Variants in ZPBP observed in about 807,000 individuals in gnomAD.
ZPBP encodes the protein zona pellucida-binding protein 1.
Under a neutral mutation model 44.8 loss-of-function variants are expected in ZPBP, and 26 were observed. The observed-to-expected ratio is 0.58, with a 90% CI of 0.43 to 0.81. The LOEUF (loss-of-function observed/expected upper bound fraction) is 0.81. ZPBP is among the 30% of genes least tolerant of loss of function. The pLI is 0.00. For missense variants in ZPBP, 409 were observed against 434.0 expected, an observed-to-expected ratio of 0.94 and a Z score of 0.51; for synonymous variants, 174 against 153.2, an observed-to-expected ratio of 1.14 and a Z score of -1.00.
chr7:49,877,893 A>G (rs1791510391), intron 2 of ZPBP, among the ~76,000 whole-genome samples: 1 of 152,044 alleles, frequency 6.6e-6, no homozygotes, highest in Non-Finnish European at 1.5e-5. Flanking sequence ...CTGACCTTGC[A>G]TCTGGGCAAA....
rs1377200952 is a variant in ZPBP, at chr7:50,050,881, G to T, written c.487+7108C>A. Among the ~76,000 whole-genome samples the T allele has an allele frequency of 2.1e-5, 3 of 144,354 alleles. No individual in the cohort carries two copies. The East Asian group carries it at 6.3e-4, about 30-fold the overall frequency. The allele number at this position is 144,354 out of a possible 152,430, so 94.7% of individuals were successfully genotyped here. A position where few individuals can be genotyped will look rare whatever the true frequency, so the allele number is the denominator to read the frequency against. On this transcript the variant is annotated intron_variant, in intron 4 of 7. Coordinates refer to ENST00000046087, the MANE Select transcript of ZPBP (RefSeq NM_007009.3). The stretch of plus-strand genomic sequence containing the variant: ...CATTCAGGACATAGGCACAGGCAAA[G>T]ATTTCATGACAAAAATGCAAAAAGC...
chr7:49,880,615 A>C (rs1276052656), intron 2 of ZPBP, among the ~76,000 whole-genome samples: 7 of 151,596 alleles, frequency 4.6e-5, no homozygotes. Context: ...ATTATACTTT[A>C]AGTTCTAGGG....
chr7:49,969,688 T>G (rs1478829241), intron 7 of ZPBP, among the ~76,000 whole-genome samples: 5 of 151,936 alleles, frequency 3.3e-5, no homozygotes, highest in Non-Finnish European at 7.4e-5. Flanking sequence ...AAGGACTTTC[T>G]ACAAAAATGT....
In ZPBP at chr7:50,001,965, C is replaced by T. The variant is rs111696127; in HGVS notation, c.783+16275G>A. Among the ~76,000 whole-genome samples, 1,027 of 152,122 alleles carry T rather than the reference C, an allele frequency of 6.8e-3. 12 individuals carry two copies. The highest frequency in any genetic ancestry group is 0.023 in the African/African-American group (964 of 41,494). On this transcript the variant is annotated intron_variant, in intron 6 of 7. Transcript: ENST00000046087. ...TGTCACTCAGGCTGCAATGCAGTGG[C>T]GCAACCGAGGCAGCCTCCTAAATAG...
At chr7:50,014,104 A>C (rs1202959570) in intron 6 of ZPBP, among the ~76,000 whole-genome samples, 1 of 152,110 alleles carries the variant, frequency 6.6e-6, no homozygotes, top group Non-Finnish European at 1.5e-5. Context: ...AATCATATAT[A>C]TTAATTTTTT....
chr7:49,914,408 T>C (rs890658773), intron 1 of ZPBP: 3 of 152,230 alleles, frequency 2.0e-5, no homozygotes, highest in Admixed American at 6.5e-5. Context: ...TCACTTGCTC[T>C]AAACTTAGTT....
intron 3 of ZPBP, among the ~76,000 whole-genome samples, chr7:50,081,374 C>T (rs2128851869): frequency 6.6e-6 from 1 of 151,598 alleles, no homozygotes; most frequent in Non-Finnish European, 1.5e-5. Context: ...TTTAAAACTA[C>T]AGTGTTAAAA....
chr7:49,969,816 TATAGAGAGAG>T (rs373905932), intron 7 of ZPBP, among the ~76,000 whole-genome samples: 11 of 136,168 alleles, frequency 8.1e-5, no homozygotes, highest in Admixed American at 2.2e-4. Context: ...TATATATATA[TATAGAGAGAG>T]AGAGAGAGAG....
intron 4 of ZPBP, among the ~76,000 whole-genome samples, chr7:50,033,076 T>C (rs916639368): frequency 2.0e-5 from 3 of 149,488 alleles, no homozygotes; most frequent in Non-Finnish European, 3.0e-5. Flanking sequence ...TGCTGATTAC[T>C]TTTTTTTTTC....
chr7:50,024,992 G>T, intron 5 of ZPBP, among the ~76,000 whole-genome samples: 1 of 151,758 alleles, frequency 6.6e-6, no homozygotes, highest in East Asian at 1.9e-4. Context: ...GTTTTAAAAA[G>T]TCAATTGCTT....
At chr7:49,905,300 T>C (rs1437583231) in intron 1 of ZPBP, among the ~76,000 whole-genome samples, 3 of 152,164 alleles carry the variant, frequency 2.0e-5, no homozygotes, top group African/African-American at 7.2e-5. Flanking sequence ...AAAGTGACCA[T>C]TCATCACTCA....
intron 6 of ZPBP, among the ~76,000 whole-genome samples, chr7:50,008,788 G>A (rs919566816): frequency 1.5e-4 from 23 of 152,140 alleles, no homozygotes; most frequent in Admixed American, 5.2e-4. Context: ...CTTCCCCATC[G>A]CTGGAGAACA....
chr7:49,940,948 A>G (rs1051188228), intron 7 of ZPBP, among the ~76,000 whole-genome samples: 22 of 152,158 alleles, frequency 1.4e-4, no homozygotes, highest in Admixed American at 3.3e-4. Flanking sequence ...CCAGAGAAGC[A>G]GCAGGAGTGA....
chr7:49,892,903 A>G (rs1189026688), intron 2 of ZPBP, among the ~76,000 whole-genome samples: 1 of 152,224 alleles, frequency 6.6e-6, no homozygotes, highest in Non-Finnish European at 1.5e-5. Context: ...TGAGGTTCTC[A>G]GTATATGTTA....
At chr7:50,035,417 C>A (rs1233694594) in intron 4 of ZPBP, among the ~76,000 whole-genome samples, 5 of 152,170 alleles carry the variant, frequency 3.3e-5, no homozygotes. Flanking sequence ...ACCATAAGTG[C>A]AAATATCAAC....
intron 4 of ZPBP, among the ~76,000 whole-genome samples, chr7:50,038,845 G>A (rs1799941004): frequency 6.6e-6 from 1 of 152,150 alleles, no homozygotes; most frequent in Non-Finnish European, 1.5e-5. Flanking sequence ...ATGCTCTGTA[G>A]GTTTGTAGCC....
At chr7:50,042,396 G>A (rs1800137130) in intron 4 of ZPBP, among the ~76,000 whole-genome samples, 1 of 152,106 alleles carries the variant, frequency 6.6e-6, no homozygotes, top group Non-Finnish European at 1.5e-5. Flanking sequence ...AGGTTGAAAC[G>A]AAGGAAAAAA....
intron 5 of ZPBP, among the ~76,000 whole-genome samples, chr7:50,030,885 T>C (rs1369991006): frequency 1.3e-5 from 2 of 152,204 alleles, no homozygotes; most frequent in Admixed American, 6.5e-5. Flanking sequence ...GTGTAAGTTA[T>C]TGAGAGAACA....
chr7:50,021,190 A>G (rs1799075862), intron 5 of ZPBP, among the ~76,000 whole-genome samples: 1 of 152,156 alleles, frequency 6.6e-6, no homozygotes, highest in African/African-American at 2.4e-5. Context: ...CTGAGGAAAC[A>G]CAGACATTGG....
Sources: gnomAD v4.1 joint callset for allele counts (sites outside exome capture counted in the v4.1 genomes callset) on GRCh38, gnomAD v4.1.1 for gene constraint, MANE v1.5 for transcripts, NCBI Gene and HGNC (gene_info 2026-07-23, HGNC 2026-07-21) for gene names.